Variants in PDS5B observed in about 807,000 individuals in gnomAD.
PDS5B encodes the protein PDS5 cohesin associated factor B, also known as sister chromatid cohesion protein PDS5 homolog B.
In PDS5B, 51 loss-of-function variants were observed where a neutral mutation model predicts 184.1. The ratio of observed to expected loss-of-function variants is 0.28; its 90% CI spans 0.22 to 0.35. The LOEUF (loss-of-function observed/expected upper bound fraction) is 0.35, where lower values mean the gene tolerates loss of function less well. Ranked by LOEUF, PDS5B falls within the 10% of genes least tolerant of loss-of-function variation. The pLI, the probability that PDS5B is intolerant of heterozygous loss-of-function variation, is 1.00. For synonymous variants in PDS5B, 566 were observed against 569.2 expected, an observed-to-expected ratio of 0.99 and a Z score of 0.08; for missense variants, 1,180 against 1,723.3, an observed-to-expected ratio of 0.68 and a Z score of 5.58.
chr13:32,606,050 G>C (rs931114351), intron 1 of PDS5B, among the ~76,000 whole-genome samples: 19 of 152,242 alleles, frequency 1.2e-4, no homozygotes, highest in Middle Eastern at 3.4e-3. Context: ...TTTAATTGGA[G>C]CATTTAGCCC....
chr13:32,698,967 G>T (rs138110737), intron 15 of PDS5B, among the ~76,000 whole-genome samples: 1 of 151,934 alleles, frequency 6.6e-6, no homozygotes, highest in Non-Finnish European at 1.5e-5. Flanking sequence ...CTTGGCCAGG[G>T]TGGTCTTGAA....
intron 13 of PDS5B, chr13:32,690,398 C>T (rs944186476): frequency 3.9e-5 from 6 of 152,180 alleles, no homozygotes; most frequent in Non-Finnish European, 5.9e-5. Flanking sequence ...TATCAGATAA[C>T]AGCATGTAAG....
chr13:32,719,381 C>A (rs1952589075), intron 19 of PDS5B, among the ~76,000 whole-genome samples: 1 of 152,038 alleles, frequency 6.6e-6, no homozygotes, highest in Admixed American at 6.5e-5. Flanking sequence ...CAGGGTTTTG[C>A]CATGTTGCCC....
At chr13:32,637,014 A>G (rs1399146215) in intron 1 of PDS5B, among the ~76,000 whole-genome samples, 1 of 152,210 alleles carries the variant, frequency 6.6e-6, no homozygotes, top group East Asian at 1.9e-4. Flanking sequence ...AGTGTCTTCA[A>G]GGAATAGAGA....
chr13:32,619,323 G>A (rs946280289), intron 1 of PDS5B, among the ~76,000 whole-genome samples: 6 of 152,128 alleles, frequency 3.9e-5, no homozygotes, highest in African/African-American at 1.4e-4. Flanking sequence ...GGTGTACATA[G>A]GCTATACGGT....
At chr13:32,589,226 G>A (rs976363825) in intron 1 of PDS5B, among the ~76,000 whole-genome samples, 2 of 137,428 alleles carry the variant, frequency 1.5e-5, no homozygotes, top group African/African-American at 5.2e-5. Flanking sequence ...TCATGTGGTG[G>A]AACTGGGGCA....
chr13:32,648,945 GGGCTATAAT>G, intron 2 of PDS5B, 65 bp downstream of exon 2: 1 of 788,666 alleles, frequency 1.3e-6, no homozygotes, highest in East Asian at 2.4e-5. Flanking sequence ...AAATCACATG[GGGCTATAAT>G]GTATCTTGTT....
chr13:32,648,754 G>T lies in PDS5B; in HGVS notation c.-19G>T. On this transcript the variant is annotated splice_region_variant and 5_prime_UTR_variant, in exon 2 of 35. Transcript: ENST00000315596. Reference sequence around the variant, plus strand: ...GCATCTAATAGTTTTCTTGTTTCAGGGGTAGAAATATTTCTGTCATGGCTC... The same window carrying T: ...GCATCTAATAGTTTTCTTGTTTCAGTGGTAGAAATATTTCTGTCATGGCTC... The T allele has an allele frequency of 2.8e-6, 3 of 1,083,332 alleles. No homozygotes were observed. Among genetic ancestry groups the T allele is most frequent in the South Asian group, 1.3e-5 (1 of 79,484 alleles). The allele number at this position is 1,083,332 out of a possible 1,614,324, so 67.1% of individuals were successfully genotyped here.
chr13:32,721,232 C>G (rs1248356357), intron 19 of PDS5B, among the ~76,000 whole-genome samples: 1 of 145,844 alleles, frequency 6.9e-6, no homozygotes, highest in Admixed American at 6.7e-5. Flanking sequence ...GCAGAGGCGA[C>G]CCCCACCTCC....
At chr13:32,711,660 G>A (rs1420307599) in intron 19 of PDS5B, among the ~76,000 whole-genome samples, 1 of 152,140 alleles carries the variant, frequency 6.6e-6, no homozygotes, top group Non-Finnish European at 1.5e-5. Flanking sequence ...GCCTGGCCTT[G>A]ACTTCTAATT....
chr13:32,762,672 T>A (rs1954448756), intron 30 of PDS5B, among the ~76,000 whole-genome samples: 1 of 152,106 alleles, frequency 6.6e-6, no homozygotes, highest in Non-Finnish European at 1.5e-5. Flanking sequence ...GTTTGACTCT[T>A]CCCCCCTCTA....
chr13:32,591,251 C>T (rs967284471), intron 1 of PDS5B, among the ~76,000 whole-genome samples: 1 of 152,038 alleles, frequency 6.6e-6, no homozygotes, highest in Non-Finnish European at 1.5e-5. Context: ...TCCTCAGCCT[C>T]CTGAGTAACT....
chr13:32,596,918 C>G (rs2057883355), intron 1 of PDS5B, among the ~76,000 whole-genome samples: 1 of 151,998 alleles, frequency 6.6e-6, no homozygotes, highest in Non-Finnish European at 1.5e-5. Flanking sequence ...AGAGTATTTT[C>G]TCCTGTTTTG....
intron 3 of PDS5B, among the ~76,000 whole-genome samples, chr13:32,656,196 G>A (rs935452332): frequency 2.2e-4 from 33 of 149,302 alleles, no homozygotes; most frequent in African/African-American, 7.9e-4. Flanking sequence ...GTCTGTTTTT[G>A]TACCAGTACC....
chr13:32,756,537 G>T (rs1335879224), intron 26 of PDS5B, among the ~76,000 whole-genome samples: 2 of 152,172 alleles, frequency 1.3e-5, no homozygotes. Flanking sequence ...GGAATATAGT[G>T]ATATTTAGAG....
chr13:32,613,092 T>C (rs2058167179), intron 1 of PDS5B, among the ~76,000 whole-genome samples: 1 of 152,250 alleles, frequency 6.6e-6, no homozygotes. Context: ...CATTTTTTCT[T>C]ATTACCAAAT....
chr13:32,586,658 T>A (rs1386215300), intron 1 of PDS5B, 65 bp downstream of exon 1: 1 of 151,142 alleles, frequency 6.6e-6, no homozygotes, highest in Non-Finnish European at 1.5e-5. Context: ...GCTCCATTTT[T>A]CAGCGGCCGC....
chr13:32,649,218 T>C, intron 2 of PDS5B: 1 of 191,586 alleles, frequency 5.2e-6, no homozygotes. Context: ...TAAGGGAGTT[T>C]TAGGTCTTTA....
intron 1 of PDS5B, among the ~76,000 whole-genome samples, chr13:32,587,042 C>G (rs1317040969): frequency 6.9e-6 from 1 of 145,622 alleles, no homozygotes; most frequent in African/African-American, 2.5e-5. Context: ...CCCGGCCGGC[C>G]GGCGGCTGTT....
Sources: gnomAD v4.1 joint callset for allele counts (sites outside exome capture counted in the v4.1 genomes callset) on GRCh38, gnomAD v4.1.1 for gene constraint, MANE v1.5 for transcripts, NCBI Gene and HGNC (gene_info 2026-07-23, HGNC 2026-07-21) for gene names.